Variants in GREB1 observed in about 807,000 individuals in gnomAD.
GREB1 encodes growth regulating estrogen receptor binding 1.
GREB1 carries 106 observed loss-of-function variants against 200.7 expected under a neutral mutation model. The ratio of observed to expected loss-of-function variants is 0.53; its 90% CI spans 0.45 to 0.62. The LOEUF is 0.62. Among genes scored for constraint, GREB1 ranks in the 20% least tolerant of loss-of-function variants. The pLI is 0.00. For synonymous variants in GREB1, 1,132 were observed against 1,092.4 expected, an observed-to-expected ratio of 1.04 and a Z score of -0.72; for missense variants, 2,243 against 2,556.8, an observed-to-expected ratio of 0.88 and a Z score of 2.65.
intron 9 of GREB1, chr2:11,588,378 G>A: frequency 1.3e-6 from 1 of 747,312 alleles, no homozygotes. Flanking sequence ...ACCCAGTGAA[G>A]CTCTGGAAGG....
intron 1 of GREB1, among the ~76,000 whole-genome samples, chr2:11,521,208 A>G (rs1460517084): frequency 6.6e-6 from 1 of 152,096 alleles, no homozygotes; most frequent in Non-Finnish European, 1.5e-5. Context: ...CCCTGGGCTC[A>G]GGTGATGCCT....
Position 11,635,314 on chromosome 2 carries a change from C to T in GREB1, c.5255C>T (p.Ala1752Val), listed in dbSNP as rs371918265. Residue 1752 changes from alanine to valine, a missense_variant, in exon 30 of 33, where the codon GCC becomes GTC. This residue lies in a region of GREB1 where 478 missense variants were observed against 616.3 expected (regional missense o/e 0.78). Transcript: ENST00000381486. Reference sequence around the variant, plus strand: ...GACTTCAACCTGCGGGTGCACAGCGCCGGCCTCCTGCTCTGCCGGTTCAAC... The same window carrying T: ...GACTTCAACCTGCGGGTGCACAGCGTCGGCCTCCTGCTCTGCCGGTTCAAC... ...DVDFNLRVHS[A>V]GLLLCRFNRF... is the part of the protein sequence containing the mutation. The T allele has an allele frequency of 1.1e-5, 17 of 1,613,990 alleles. No homozygotes were observed. The African/African-American group carries it at 2.0e-4, about 19-fold the overall frequency.
intron 5 of GREB1, among the ~76,000 whole-genome samples, chr2:11,577,246 G>A (rs921904851): frequency 1.1e-4 from 16 of 152,158 alleles, no homozygotes; most frequent in African/African-American, 2.7e-4. Flanking sequence ...ACTGGATGGT[G>A]CCACCAGCAT....
At position 11,635,372 on chromosome 2, in the gene GREB1, G is replaced by A. The variant is rs1318107233; in HGVS notation, c.5313G>A (p.Val1771=). The A allele has an allele frequency of 3.7e-6, 6 of 1,613,438 alleles. No homozygotes were observed. The highest frequency in any genetic ancestry group is 3.3e-5 in the South Asian group (3 of 90,964). ...GCGTGATGAAGAAGCAGATCGTGGT[G>A]GGCGGCCACAGGTCCTTCCACATCA... ...RFSVMKKQIV[V]GGHRSFHITS... is the part of the protein sequence containing the mutation. The change falls in exon 30 of 33, where the codon GTG becomes GTA. Residue 1771 remains valine, a synonymous_variant. Coordinates refer to ENST00000381486, the MANE Select transcript of GREB1 (RefSeq NM_014668.4).
At chr2:11,620,264 G>A (rs1683893616) in intron 22 of GREB1, among the ~76,000 whole-genome samples, 1 of 152,174 alleles carries the variant, frequency 6.6e-6, no homozygotes, top group Admixed American at 6.5e-5. Flanking sequence ...TGTGAGCCAG[G>A]AAACCCACGC....
intron 10 of GREB1, chr2:11,591,758 ATAT>A: frequency 3.4e-6 from 1 of 298,216 alleles, no homozygotes; most frequent in Non-Finnish European, 6.3e-6. Flanking sequence ...ATAAAGGTGA[ATAT>A]TTGGAAGAAA....
intron 1 of GREB1, among the ~76,000 whole-genome samples, chr2:11,514,999 C>T (rs1237807616): frequency 2.0e-5 from 3 of 151,966 alleles, no homozygotes; most frequent in Non-Finnish European, 4.4e-5. Flanking sequence ...CGCATGTGTC[C>T]ATCCTCTCAT....
rs551897471 is a variant in GREB1 at position 11,601,157 on chromosome 2, T to C, written c.2529+162T>C. On this transcript the variant is annotated intron_variant, in intron 16 of 32. Coordinates refer to ENST00000381486, the MANE Select transcript of GREB1 (RefSeq NM_014668.4). ...GTTAGGTTGTAAACCCTTCTTGGTC[T>C]TTTTGGTAACCTTCCTGCAGTACGC... is the stretch of plus-strand genomic sequence containing the variant. 3.3e-4 allele frequency among the ~76,000 whole-genome samples: 51 copies of C among 152,366 alleles called. 1 individual carries two copies. The South Asian group carries it at 0.01, about 31-fold the overall frequency.
intron 1 of GREB1, among the ~76,000 whole-genome samples, chr2:11,536,081 C>T (rs1238273376): frequency 6.6e-6 from 1 of 152,130 alleles, no homozygotes; most frequent in Non-Finnish European, 1.5e-5. Context: ...ACAGATTAAC[C>T]ATGGTCCTGG....
chr2:11,602,633 G>C, intron 17 of GREB1, 91 bp downstream of exon 17: 1 of 1,134,160 alleles, frequency 8.8e-7, no homozygotes, highest in Non-Finnish European at 1.3e-6. Flanking sequence ...TTCCAGGAAG[G>C]GAGGCCTTTC....
At chr2:11,616,366 C>T (rs569853417) in intron 20 of GREB1, among the ~76,000 whole-genome samples, 1 of 152,392 alleles carries the variant, frequency 6.6e-6, no homozygotes, top group African/African-American at 2.4e-5. Flanking sequence ...CGACCCCTCT[C>T]TCTTTGCATC....
intron 7 of GREB1, 51 bp from the exon 8 acceptor site, chr2:11,585,110 T>C (rs1283938507): frequency 1.0e-5 from 10 of 966,190 alleles, no homozygotes; most frequent in South Asian, 2.1e-5. Flanking sequence ...GTAAATTTTA[T>C]TGGAGCCCTG....
intron 1 of GREB1, among the ~76,000 whole-genome samples, chr2:11,554,968 G>A (rs945656413): frequency 1.1e-4 from 17 of 152,184 alleles, no homozygotes; most frequent in Middle Eastern, 3.4e-3. Context: ...TATAATTAAC[G>A]GATCAAAGAG....
chr2:11,562,726 C>T lies in GREB1; in HGVS notation c.277+144C>T, dbSNP rs952827722. The stretch of plus-strand genomic sequence containing the variant: ...TGCTTTCCCTGAGGTGTGAGCCATG[C>T]CCCTGGGCCCGCAGCAGGTGCTGGC... On this transcript the variant is annotated intron_variant, in intron 3 of 32. Coordinates refer to ENST00000381486, the MANE Select transcript of GREB1 (RefSeq NM_014668.4). 5 of 958,174 alleles carry T rather than the reference C, an allele frequency of 5.2e-6. No homozygotes were observed. In the South Asian group the frequency reaches 7.6e-5, roughly 15 times the overall value. 59.4% of individuals were successfully genotyped at this position (958,174 alleles called of 1,614,324 possible).
At chr2:11,553,851 A>G (rs1209470853) in intron 1 of GREB1, among the ~76,000 whole-genome samples, 1 of 152,076 alleles carries the variant, frequency 6.6e-6, no homozygotes, top group Non-Finnish European at 1.5e-5. Flanking sequence ...TTGGGCAGGG[A>G]GGGTCTGGAT....
intron 3 of GREB1, 196 bp downstream of exon 3, chr2:11,562,778 TCCAGAG>T: frequency 3.7e-5 from 18 of 490,900 alleles, no homozygotes; most frequent in South Asian, 2.0e-4. Flanking sequence ...AAACAGGAGC[TCCAGAG>T]ACACCATCCT....
At chr2:11,533,932 G>A (rs1002234132), upstream of GREB1, among the ~76,000 whole-genome samples, 24 of 152,092 alleles carry the variant, frequency 1.6e-4, no homozygotes, top group South Asian at 1.0e-3. Context: ...AATAAAAACC[G>A]CAGGGTTTAT....
chr2:11,585,415 A>G, intron 8 of GREB1, 141 bp downstream of exon 8: 1 of 612,750 alleles, frequency 1.6e-6, no homozygotes, highest in Non-Finnish European at 2.8e-6. Context: ...CTAAGGAGGC[A>G]GAGTTTGGTG....
At chr2:11,542,725 G>A (rs1034355906) in intron 1 of GREB1, 1 of 152,628 alleles carries the variant, frequency 6.6e-6, no homozygotes, top group African/African-American at 2.4e-5. Context: ...TGTTCATGGA[G>A]AAAGAATCAA....
Sources: allele counts gnomAD v4.1 joint callset (sites outside exome capture counted in the v4.1 genomes callset), GRCh38; gene constraint gnomAD v4.1.1; regional missense constraint gnomAD v4.1.1; transcripts MANE v1.5; gene names NCBI Gene and HGNC (gene_info 2026-07-23, HGNC 2026-07-21).